The following PARL variants were observed in gnomAD, a reference collection of about 807,000 sequenced individuals.
PARL encodes the protein presenilin associated rhomboid like, also known as presenilin-associated rhomboid-like protein, mitochondrial.
Under a neutral mutation model 51.6 loss-of-function variants are expected in PARL, and 44 were observed. That is an observed-to-expected ratio of 0.85 (90% CI 0.67 to 1.10). The LOEUF (loss-of-function observed/expected upper bound fraction) is 1.10. Ranked by LOEUF, PARL falls within the 50% of genes least tolerant of loss-of-function variation. The pLI is 0.00. For synonymous variants in PARL, 172 were observed against 164.0 expected (o/e 1.05, Z -0.37); for missense variants, 441 against 469.5 (o/e 0.94, Z 0.56).
intron 4 of PARL, chr3:183,846,466 C>G (rs1295236793): frequency 1.1e-6 from 1 of 949,824 alleles, no homozygotes; most frequent in Non-Finnish European, 1.3e-6. Flanking sequence ...GCACTCCAGC[C>G]TGGGCAACAA....
intron 1 of PARL, chr3:183,879,753 G>A (rs1290367083): frequency 7.3e-6 from 7 of 963,756 alleles, no homozygotes; most frequent in Non-Finnish European, 8.6e-6. Context: ...TCCTCGCTCT[G>A]TCACCCAGGC....
intron 4 of PARL, among the ~76,000 whole-genome samples, chr3:183,852,088 T>C (rs1057001682): frequency 6.6e-6 from 1 of 152,116 alleles, no homozygotes; most frequent in Non-Finnish European, 1.5e-5. Context: ...TGAGACCAGG[T>C]TGAGGTTGTA....
intron 3 of PARL, among the ~76,000 whole-genome samples, chr3:183,864,650 C>G (rs1327659246): frequency 6.6e-6 from 1 of 151,872 alleles, no homozygotes. Context: ...GTGGCGGGCA[C>G]CTGTAGTCCC....
Position 183,833,844 on chromosome 3 carries a change from G to C in PARL, c.829-19C>G. 1 of 1,501,106 alleles carries C rather than the reference G, an allele frequency of 6.7e-7. No homozygotes were observed. Among genetic ancestry groups the C allele is most frequent in the East Asian group, 2.3e-5 (1 of 44,354 alleles). 93.0% of individuals were successfully genotyped at this position (1,501,106 alleles called of 1,614,324 possible). Reference sequence around the variant, plus strand: ...CACCAGACTGCAAAGTAACACAGCAGGGAGAATGGGAAACTCAATATGCAA... The same window carrying C: ...CACCAGACTGCAAAGTAACACAGCACGGAGAATGGGAAACTCAATATGCAA... On this transcript the variant is annotated intron_variant, in intron 7 of 9. Transcript: ENST00000317096.
At position 183,873,370 on chromosome 3, in the gene PARL, G is replaced by A. The variant is rs370878128; in HGVS notation, c.126-5310C>T. On this transcript the variant is annotated intron_variant, in intron 1 of 9. Coordinates refer to ENST00000317096, the MANE Select transcript of PARL (RefSeq NM_018622.7). Reference sequence around the variant, plus strand: ...AAAATACAAAACTTAGCTGGGCGTGGTGGCGCACGCCTGTATTTTGATTAC... The same window carrying A: ...AAAATACAAAACTTAGCTGGGCGTGATGGCGCACGCCTGTATTTTGATTAC... Among the ~76,000 whole-genome samples, 14 of 152,070 alleles carry A rather than the reference G, an allele frequency of 9.2e-5. No homozygotes were observed. The East Asian group carries it at 1.6e-3, about 17-fold the overall frequency.
chr3:183,869,365 A>C (rs1732902132), intron 1 of PARL, among the ~76,000 whole-genome samples: 1 of 151,578 alleles, frequency 6.6e-6, no homozygotes, highest in South Asian at 2.1e-4. Flanking sequence ...CCACCACCAC[A>C]CCTGGCTAAT....
chr3:183,875,793 T>C (rs552872947), intron 1 of PARL, among the ~76,000 whole-genome samples: 19 of 152,194 alleles, frequency 1.2e-4, no homozygotes, highest in Non-Finnish European at 2.5e-4. Context: ...TGGAAGAAGA[T>C]GCCATCTAAG....
chr3:183,883,924 C>T (rs1734831808), intron 1 of PARL, among the ~76,000 whole-genome samples: 1 of 152,142 alleles, frequency 6.6e-6, no homozygotes, highest in Non-Finnish European at 1.5e-5. Context: ...ACTGACTATC[C>T]CACGTGTTGA....
intron 4 of PARL, among the ~76,000 whole-genome samples, chr3:183,862,283 G>A (rs1731926686): frequency 6.6e-6 from 1 of 152,154 alleles, no homozygotes; most frequent in South Asian, 2.1e-4. Context: ...ACAGACTTGG[G>A]TTTTGAAACT....
At chr3:183,843,568 C>T (rs1034517747) in intron 5 of PARL, among the ~76,000 whole-genome samples, 9 of 152,150 alleles carry the variant, frequency 5.9e-5, no homozygotes, top group African/African-American at 4.8e-5. Context: ...CAGTGGCTCA[C>T]GCCTATAATC....
intron 7 of PARL, among the ~76,000 whole-genome samples, chr3:183,839,473 C>T (rs1459666370): frequency 1.3e-5 from 2 of 152,112 alleles, no homozygotes; most frequent in Non-Finnish European, 2.9e-5. Context: ...GGCTGGAGTG[C>T]AGTGGTGCAA....
chr3:183,871,537 TG>T (rs1204994986), intron 1 of PARL, among the ~76,000 whole-genome samples: 4 of 35,838 alleles, frequency 1.1e-4, no homozygotes, highest in Non-Finnish European at 1.6e-4. Flanking sequence ...AAAAAAGGCT[TG>T]GGGGGGAGGG....
At position 183,844,335 on chromosome 3, in the gene PARL, TA is replaced by T. The variant is rs1469783646; in HGVS notation, c.512-10del. The T allele has an allele frequency of 6.7e-7, 1 of 1,489,798 alleles. No individual in the cohort carries two copies. Among genetic ancestry groups the T allele is most frequent in the Non-Finnish European group, 9.4e-7 (1 of 1,066,882 alleles). 92.3% of individuals were successfully genotyped at this position (1,489,798 alleles called of 1,614,324 possible). ...ATTTGCAGCTATAATACCTACAAAA[TA>T]AATATTTATAATTTAGGGAGGTTAA... On this transcript the variant is annotated splice_polypyrimidine_tract_variant and intron_variant, in intron 4 of 9. Transcript: ENST00000317096.
intron 1 of PARL, chr3:183,883,734 G>T: frequency 1.0e-6 from 1 of 978,546 alleles, no homozygotes; most frequent in Non-Finnish European, 1.2e-6. Flanking sequence ...ACAAGTCCCT[G>T]ATAAAATTCA....
intron 7 of PARL, among the ~76,000 whole-genome samples, chr3:183,834,798 T>C (rs775132185): frequency 3.0e-4 from 45 of 151,160 alleles, no homozygotes; most frequent in Non-Finnish European, 5.4e-4. Context: ...CCCAGCACTT[T>C]TGGAGGCCGA....
At chr3:183,840,455 G>T in intron 7 of PARL, 115 bp downstream of exon 7, 1 of 591,762 alleles carries the variant, frequency 1.7e-6, no homozygotes, top group Non-Finnish European at 3.0e-6. Flanking sequence ...TTAACAGTAG[G>T]GTGAAGGGTA....
chr3:183,866,649 T>C lies in PARL; in HGVS notation c.438A>G (p.Gln146=), dbSNP rs756060140. Residue 146 remains glutamine, a synonymous_variant, in exon 3 of 10, where the codon CAA becomes CAG. Coordinates refer to ENST00000317096, the MANE Select transcript of PARL (RefSeq NM_018622.7). ...CCTCCTTTCTGAAGTCTCCTTCTTT[T>C]TGTGGTCTTATGCTATCCAACCAAT... ...KADWLDSIRP[Q]KEGDFRKEIN... is the part of the protein sequence containing the mutation. The C allele has an allele frequency of 1.2e-6, 2 of 1,611,932 alleles. No homozygotes were observed. The highest frequency in any genetic ancestry group is 1.1e-5 in the South Asian group (1 of 91,004).
chr3:183,849,670 CAG>C (rs547356490), intron 4 of PARL, among the ~76,000 whole-genome samples: 493 of 151,866 alleles, frequency 3.2e-3, no homozygotes, highest in African/African-American at 0.011. Flanking sequence ...AGAAAAATAA[CAG>C]AAAAATTAAT....
chr3:183,846,278 G>C (rs1049377754), intron 4 of PARL, among the ~76,000 whole-genome samples: 4 of 152,308 alleles, frequency 2.6e-5, no homozygotes, highest in African/African-American at 9.6e-5. Context: ...CGGATCACCT[G>C]AGGTCGGGAG....
Sources: gnomAD v4.1 joint callset for allele counts (sites outside exome capture counted in the v4.1 genomes callset) on GRCh38, gnomAD v4.1.1 for gene constraint, MANE v1.5 for transcripts, NCBI Gene and HGNC (gene_info 2026-07-23, HGNC 2026-07-21) for gene names.